SLC37A3: variants seen among roughly 807,000 people sequenced by gnomAD.
The protein encoded by SLC37A3 is sugar phosphate exchanger 3.
SLC37A3 carries 51 observed loss-of-function variants against 67.1 expected under a neutral mutation model. That is an observed-to-expected ratio of 0.76 (90% CI 0.61 to 0.96). The LOEUF is 0.96. Ranked by LOEUF, SLC37A3 falls within the 40% of genes least tolerant of loss-of-function variation. The pLI is 0.00. For missense variants in SLC37A3, 508 were observed against 603.0 expected (o/e 0.84, Z 1.65); for synonymous variants, 214 against 231.4 (o/e 0.92, Z 0.68).
chr7:140,359,050 A>G (rs1474729046), intron 5 of SLC37A3, among the ~76,000 whole-genome samples: 1 of 152,200 alleles, frequency 6.6e-6, no homozygotes, highest in Admixed American at 6.5e-5. Flanking sequence ...GACATCTTCA[A>G]GGCTAAAAAG....
intron 14 of SLC37A3, 29 bp downstream of exon 14, chr7:140,337,253 CTT>C (rs11331602): frequency 3.7e-3 from 4,770 of 1,289,420 alleles, no homozygotes; most frequent in South Asian, 0.015. Flanking sequence ...AGAAAAATGA[CTT>C]TTTTTTTTTT....
At chr7:140,339,656 A>G (rs1796279404) in intron 13 of SLC37A3, among the ~76,000 whole-genome samples, 1 of 152,028 alleles carries the variant, frequency 6.6e-6, no homozygotes, top group Admixed American at 6.5e-5. Flanking sequence ...TATTTTTCAC[A>G]GAAGCTGCAT....
At chr7:140,364,627 C>A in intron 4 of SLC37A3, 136 bp from the exon 5 acceptor site, 1 of 735,388 alleles carries the variant, frequency 1.4e-6, no homozygotes, top group Non-Finnish European at 2.1e-6. Context: ...GGCTACCTGT[C>A]TACAGGAGTT....
rs536626511 is a variant in SLC37A3 at position 140,397,073 on chromosome 7, G to A, written c.-71+1343C>T. Among the ~76,000 whole-genome samples the A allele has an allele frequency of 7.2e-3, 1,083 of 149,862 alleles. 16 individuals are homozygous for A. Among genetic ancestry groups the A allele is most frequent in the African/African-American group, 0.025 (1,028 of 41,090 alleles). On this transcript the variant is annotated intron_variant, in intron 1 of 14. Transcript: ENST00000326232. Reference sequence around the variant, plus strand: ...AAATTAGCCTGGCGTGGTGGCGGGCGCCTGTAGTCCCAGCTACTCGGGAGG... The same window carrying A: ...AAATTAGCCTGGCGTGGTGGCGGGCACCTGTAGTCCCAGCTACTCGGGAGG...
intron 11 of SLC37A3, among the ~76,000 whole-genome samples, chr7:140,345,464 T>C (rs1235048981): frequency 6.6e-6 from 1 of 152,218 alleles, no homozygotes; most frequent in Non-Finnish European, 1.5e-5. Context: ...ACAAGACTTC[T>C]AAAAGCTAAA....
intron 14 of SLC37A3, 68 bp from the exon 15 acceptor site, chr7:140,335,572 C>T: frequency 6.5e-7 from 1 of 1,544,348 alleles, no homozygotes; most frequent in Non-Finnish European, 8.8e-7. Flanking sequence ...ATGTTTTGAA[C>T]ATAATAATGG....
At position 140,335,606 on chromosome 7, in the gene SLC37A3, G is replaced by C. The variant is rs962774287; in HGVS notation, c.1393-102C>G. 4.5e-6 allele frequency: 6 copies of C among 1,345,716 alleles called. No homozygotes were observed. The East Asian group carries it at 9.4e-5, about 21-fold the overall frequency. 83.4% of individuals were successfully genotyped at this position (1,345,716 alleles called of 1,614,324 possible). ...GGATTTGGACAATTACATTCATTTTGACTTCATACAAAGATAATGTTTAAT... is the reference window on the plus strand; with the variant it reads ...GGATTTGGACAATTACATTCATTTTCACTTCATACAAAGATAATGTTTAAT... On this transcript the variant is annotated intron_variant, in intron 14 of 14. Transcript: ENST00000326232.
chr7:140,385,748 G>T (rs1798423806), intron 1 of SLC37A3, among the ~76,000 whole-genome samples: 1 of 152,042 alleles, frequency 6.6e-6, no homozygotes, highest in South Asian at 2.1e-4. Flanking sequence ...GGCTTAATAA[G>T]CACATTGGAA....
intron 4 of SLC37A3, among the ~76,000 whole-genome samples, chr7:140,365,726 A>G (rs1435985912): frequency 1.3e-5 from 2 of 152,238 alleles, no homozygotes; most frequent in East Asian, 3.9e-4. Context: ...ATCTCAAAAA[A>G]AAAATGAGAA....
Position 140,335,392 on chromosome 7 carries a change from T to C in SLC37A3, c.*20A>G. The C allele has an allele frequency of 6.2e-7, 1 of 1,614,120 alleles. No homozygotes were observed. The highest frequency in any genetic ancestry group is 8.5e-7 in the Non-Finnish European group (1 of 1,180,020). On this transcript the variant is annotated 3_prime_UTR_variant, in exon 15 of 15. Coordinates refer to ENST00000326232, the MANE Select transcript of SLC37A3 (RefSeq NM_207113.3). Reference sequence around the variant, plus strand: ...GTCCTGATGTGGCTGACATTGTTCTTTCTGTCTCGCGGGCACCGGTCACTC... The same window carrying C: ...GTCCTGATGTGGCTGACATTGTTCTCTCTGTCTCGCGGGCACCGGTCACTC...
intron 1 of SLC37A3, among the ~76,000 whole-genome samples, chr7:140,384,468 T>C (rs1563050443): frequency 6.6e-6 from 1 of 152,086 alleles, no homozygotes; most frequent in African/African-American, 2.4e-5. Context: ...TCCCCACACT[T>C]TGGTAGGCCA....
At chr7:140,352,300 G>A (rs1224436099) in intron 7 of SLC37A3, 154 bp from the exon 8 acceptor site, 2 of 644,880 alleles carry the variant, frequency 3.1e-6, no homozygotes, top group African/African-American at 3.7e-5. Context: ...ACTGGGCCGG[G>A]CGCCATGCAA....
At chr7:140,336,150 G>A (rs1796122650) in intron 14 of SLC37A3, among the ~76,000 whole-genome samples, 1 of 152,230 alleles carries the variant, frequency 6.6e-6, no homozygotes, top group Non-Finnish European at 1.5e-5. Context: ...TAACGTGCCT[G>A]AGTATGTCAC....
chr7:140,344,918 C>G, intron 12 of SLC37A3, among the ~76,000 whole-genome samples: 1 of 152,018 alleles, frequency 6.6e-6, no homozygotes, highest in South Asian at 2.1e-4. Flanking sequence ...GAATTGGTCT[C>G]CCATGTGGCA....
chr7:140,353,661 G>T (rs2117091375), intron 7 of SLC37A3, among the ~76,000 whole-genome samples: 1 of 151,880 alleles, frequency 6.6e-6, no homozygotes, highest in Non-Finnish European at 1.5e-5. Context: ...TTACATAAAT[G>T]GCATTCAATA....
chr7:140,371,928 T>A (rs1797836875), intron 3 of SLC37A3, among the ~76,000 whole-genome samples: 1 of 152,200 alleles, frequency 6.6e-6, no homozygotes, highest in African/African-American at 2.4e-5. Flanking sequence ...CTTGGCTCAC[T>A]GCAACCTCCG....
chr7:140,384,907 T>G (rs1405839482), intron 1 of SLC37A3, among the ~76,000 whole-genome samples: 1 of 152,188 alleles, frequency 6.6e-6, no homozygotes, highest in Non-Finnish European at 1.5e-5. Context: ...GTTACACTAC[T>G]TATTTTCACT....
intron 3 of SLC37A3, among the ~76,000 whole-genome samples, chr7:140,373,671 T>C (rs1469539260): frequency 2.4e-5 from 3 of 123,954 alleles, no homozygotes; most frequent in Non-Finnish European, 3.4e-5. Context: ...AAAGAACTTT[T>C]TTTTTCTTTT....
intron 7 of SLC37A3, 127 bp downstream of exon 7, chr7:140,355,541 C>T: frequency 1.2e-6 from 1 of 863,920 alleles, no homozygotes. Context: ...TAATACAAGC[C>T]TTGCCCTATC....
Sources: gnomAD v4.1 joint callset for allele counts (sites outside exome capture counted in the v4.1 genomes callset) on GRCh38, gnomAD v4.1.1 for gene constraint, MANE v1.5 for transcripts, NCBI Gene and HGNC (gene_info 2026-07-23, HGNC 2026-07-21) for gene names.